MICU2: variants seen among roughly 807,000 people sequenced by gnomAD.
The protein encoded by MICU2 is calcium uptake protein 2, mitochondrial.
In MICU2, 64 loss-of-function variants were observed where a neutral mutation model predicts 60.4. The ratio of observed to expected loss-of-function variants is 1.06; its 90% CI spans 0.87 to 1.31. The LOEUF (loss-of-function observed/expected upper bound fraction) is 1.31, where lower values mean the gene tolerates loss of function less well. MICU2 is among the 50% of genes most tolerant of loss of function. The pLI is 0.00. For missense variants in MICU2, 569 were observed against 531.0 expected, an observed-to-expected ratio of 1.07 and a Z score of -0.70; for synonymous variants, 201 against 175.0, an observed-to-expected ratio of 1.15 and a Z score of -1.17.
chr13:21,531,287 C>A (rs1320064476), intron 4 of MICU2: 13 of 1,568,856 alleles, frequency 8.3e-6, no homozygotes, highest in Middle Eastern at 2.3e-4. Flanking sequence ...AAAGCAAACA[C>A]AGCACAGAAA....
At chr13:21,594,827 T>C (rs983953029) in intron 1 of MICU2, among the ~76,000 whole-genome samples, 4 of 151,950 alleles carry the variant, frequency 2.6e-5, no homozygotes, top group Non-Finnish European at 1.5e-5. Flanking sequence ...AAGCTGAACA[T>C]TGAGAACCCA....
At chr13:21,503,186 A>G (rs1886221788) in intron 8 of MICU2, 89 bp from the exon 9 acceptor site, 1 of 911,416 alleles carries the variant, frequency 1.1e-6, no homozygotes, top group Non-Finnish European at 1.6e-6. Flanking sequence ...CTTCACTATT[A>G]CCTACTGAGT....
chr13:21,521,324 G>A lies in MICU2; in HGVS notation c.518C>T (p.Pro173Leu). Residue 173 changes from proline (P) to leucine (L), a missense_variant, in exon 6 of 12, where the codon CCC becomes CTC. Physicochemically the swap from Pro to Leu is moderately conservative, Grantham distance 98 (BLOSUM62 -3). Transcript: ENST00000382374. ...YLFLLTILTK[P>L]HSGFHVAFKM... ...AAAAGCAACATGAAATCCAGAATGG[G>A]GTTCTGCAGTGAAGTGAAAAATGAA... 2 of 1,606,508 alleles carry A rather than the reference G, an allele frequency of 1.2e-6. No individual in the cohort carries two copies. The highest frequency in any genetic ancestry group is 1.7e-6 in the Non-Finnish European group (2 of 1,177,556).
intron 4 of MICU2, among the ~76,000 whole-genome samples, chr13:21,527,194 T>C (rs1030269780): frequency 1.3e-5 from 2 of 152,206 alleles, no homozygotes; most frequent in Admixed American, 6.5e-5. Context: ...AAATGTGTTT[T>C]GTCATATCTT....
At chr13:21,546,295 CTTTTT>C (rs33921647) in intron 2 of MICU2, among the ~76,000 whole-genome samples, 7 of 131,366 alleles carry the variant, frequency 5.3e-5, no homozygotes, top group South Asian at 2.4e-4. Flanking sequence ...GATAAAAAGA[CTTTTT>C]TTTTTTTTTT....
At chr13:21,535,799 C>T (rs2138187500) in intron 4 of MICU2, among the ~76,000 whole-genome samples, 1 of 152,174 alleles carries the variant, frequency 6.6e-6, no homozygotes, top group East Asian at 1.9e-4. Flanking sequence ...TTTTTTAAGG[C>T]TACATACCAG....
chr13:21,551,804 A>G (rs12016903), intron 2 of MICU2, among the ~76,000 whole-genome samples: 27,511 of 151,822 alleles, frequency 0.18, 3,328 homozygotes, highest in Non-Finnish European at 0.28. Context: ...TCCATGGTGT[A>G]TATGTGCCAC....
At chr13:21,531,020 C>T in intron 4 of MICU2, 1 of 847,486 alleles carries the variant, frequency 1.2e-6, no homozygotes, top group Non-Finnish European at 2.1e-6. Context: ...GTGCCTGCAA[C>T]TATTTGAAAG....
chr13:21,565,420 G>A (rs1055169121), intron 2 of MICU2, among the ~76,000 whole-genome samples: 2 of 152,164 alleles, frequency 1.3e-5, no homozygotes, highest in Non-Finnish European at 2.9e-5. Flanking sequence ...CACTTTGGGA[G>A]GCCGGGGAGG....
intron 1 of MICU2, among the ~76,000 whole-genome samples, chr13:21,594,410 G>C (rs1888649105): frequency 1.3e-5 from 2 of 152,146 alleles, no homozygotes; most frequent in Admixed American, 1.3e-4. Context: ...GGAGAAATAG[G>C]AACACTTTTA....
chr13:21,495,893 G>C (rs1442326195), intron 10 of MICU2, 159 bp downstream of exon 10: 38 of 565,036 alleles, frequency 6.7e-5, no homozygotes, highest in Non-Finnish European at 3.1e-6. Flanking sequence ...CATTAAACTG[G>C]AGTACTGGTA....
At chr13:21,565,227 G>C (rs138136686) in intron 2 of MICU2, among the ~76,000 whole-genome samples, 2,202 of 152,308 alleles carry the variant, frequency 0.014, 183 homozygotes, top group Admixed American at 0.13. Flanking sequence ...CTGCAAAAAA[G>C]CTGTAATAAA....
intron 8 of MICU2, among the ~76,000 whole-genome samples, chr13:21,504,752 G>A (rs147102654): frequency 5.6e-4 from 85 of 152,250 alleles, no homozygotes; most frequent in East Asian, 2.5e-3. Context: ...CTGGAGTGGC[G>A]CGTACAGGCT....
intron 11 of MICU2, among the ~76,000 whole-genome samples, chr13:21,494,185 A>G (rs1005023529): frequency 2.0e-5 from 3 of 152,200 alleles, no homozygotes; most frequent in African/African-American, 7.2e-5. Flanking sequence ...AATGAAAATA[A>G]TATTTATTTT....
chr13:21,531,375 C>A, intron 4 of MICU2: 1 of 1,216,070 alleles, frequency 8.2e-7, no homozygotes, highest in South Asian at 1.3e-5. Context: ...TATTAAGGGA[C>A]CCTGCAGGAG....
intron 1 of MICU2, among the ~76,000 whole-genome samples, chr13:21,570,401 T>C (rs543535487): frequency 8.0e-4 from 122 of 152,212 alleles, no homozygotes; most frequent in Non-Finnish European, 1.5e-3. Context: ...CCAATGCCAT[T>C]TTTAACCTTT....
intron 6 of MICU2, among the ~76,000 whole-genome samples, chr13:21,516,533 C>A (rs1263133070): frequency 6.6e-6 from 1 of 152,166 alleles, no homozygotes; most frequent in Middle Eastern, 3.2e-3. Context: ...ACATCTTTTA[C>A]AACTCAATTT....
intron 1 of MICU2, among the ~76,000 whole-genome samples, chr13:21,569,088 C>T (rs1455339848): frequency 6.6e-6 from 1 of 152,088 alleles, no homozygotes; most frequent in Non-Finnish European, 1.5e-5. Context: ...AACTAAGGCT[C>T]GCTTTCTTTC....
At chr13:21,565,439 C>T (rs916239630) in intron 2 of MICU2, among the ~76,000 whole-genome samples, 1 of 152,054 alleles carries the variant, frequency 6.6e-6, no homozygotes, top group South Asian at 2.1e-4. Flanking sequence ...GGGTGGATCA[C>T]GAGATCAGGG....
Sources: allele counts gnomAD v4.1 joint callset (sites outside exome capture counted in the v4.1 genomes callset), GRCh38; gene constraint gnomAD v4.1.1; transcripts MANE v1.5; gene names NCBI Gene and HGNC (gene_info 2026-07-23, HGNC 2026-07-21).